Variants in HS6ST2 observed in about 807,000 individuals in gnomAD.
The protein encoded by HS6ST2 is heparan-sulfate 6-O-sulfotransferase 2.
Under a neutral mutation model 33.0 loss-of-function variants are expected in HS6ST2, and 17 were observed. The observed-to-expected ratio is 0.52, with a 90% CI of 0.35 to 0.77. The LOEUF (loss-of-function observed/expected upper bound fraction) is 0.77. Among genes scored for constraint, HS6ST2 ranks in the 30% least tolerant of loss-of-function variants. The pLI is 0.01. For synonymous variants in HS6ST2, 248 were observed against 237.1 expected (o/e 1.05, Z -0.42); for missense variants, 519 against 551.7 (o/e 0.94, Z 0.59).
At chrX:132,654,670 G>C (rs181162937) in intron 4 of HS6ST2, among the ~76,000 whole-genome samples, 1 of 112,181 alleles carries the variant, frequency 8.9e-6, no homozygotes, top group Admixed American at 9.5e-5. Flanking sequence ...TGGAATAAGA[G>C]AATAGGTGGT....
intron 2 of HS6ST2, among the ~76,000 whole-genome samples, chrX:132,738,259 A>T: frequency 8.9e-6 from 1 of 112,596 alleles, no homozygotes; most frequent in Non-Finnish European, 1.9e-5. Context: ...AGGGATAACC[A>T]GTAATGGACT....
At chrX:132,895,468 CAT>C (rs1175439823) in intron 2 of HS6ST2, among the ~76,000 whole-genome samples, 1 of 111,246 alleles carries the variant, frequency 9.0e-6, no homozygotes, top group Non-Finnish European at 1.9e-5. Context: ...TACATATACA[CAT>C]ATATATGATA....
intron 2 of HS6ST2, among the ~76,000 whole-genome samples, chrX:132,947,617 T>C (rs2066971156): frequency 8.9e-6 from 1 of 112,090 alleles, no homozygotes; most frequent in African/African-American, 3.2e-5. Flanking sequence ...TTGCATAGTG[T>C]ACCTATTCCA....
intron 2 of HS6ST2, among the ~76,000 whole-genome samples, chrX:132,769,907 C>T (rs2064881212): frequency 8.9e-6 from 1 of 112,043 alleles, no homozygotes; most frequent in Admixed American, 9.4e-5. Context: ...GGGCAAGCTA[C>T]CCTTTTGTTA....
At chrX:132,887,024 A>ACTCAGG (rs1184359703) in intron 2 of HS6ST2, among the ~76,000 whole-genome samples, 1 of 110,596 alleles carries the variant, frequency 9.0e-6, no homozygotes, top group African/African-American at 3.3e-5. Context: ...AGTCCCAGCT[A>ACTCAGG]CTCAGGAGGC....
chrX:132,709,426 T>C (rs1219682816), intron 2 of HS6ST2, among the ~76,000 whole-genome samples: 1 of 111,861 alleles, frequency 8.9e-6, no homozygotes, highest in East Asian at 2.8e-4. Context: ...CCTTTTTTAA[T>C]AGCATGGCTA....
intron 2 of HS6ST2, among the ~76,000 whole-genome samples, chrX:132,881,445 A>G (rs1203762181): frequency 9.3e-6 from 1 of 107,515 alleles, no homozygotes; most frequent in African/African-American, 3.4e-5. Flanking sequence ...GTGTCTGTTC[A>G]TATACTTTGC....
chrX:132,652,978 T>A (rs2063705395), intron 4 of HS6ST2, among the ~76,000 whole-genome samples: 1 of 111,823 alleles, frequency 8.9e-6, no homozygotes, highest in Non-Finnish European at 1.9e-5. Context: ...AACGCCATCC[T>A]TTATTTTGAA....
chrX:132,740,294 A>G (rs2064558490), intron 2 of HS6ST2, among the ~76,000 whole-genome samples: 1 of 112,456 alleles, frequency 8.9e-6, no homozygotes, highest in African/African-American at 3.2e-5. Context: ...CTTGTACGTA[A>G]TCTGTTGTGA....
intron 2 of HS6ST2, among the ~76,000 whole-genome samples, chrX:132,930,964 A>G (rs2066762589): frequency 9.0e-6 from 1 of 111,559 alleles, no homozygotes; most frequent in African/African-American, 3.3e-5. Context: ...CCAATAAAAA[A>G]AAATCATCCA....
intron 2 of HS6ST2, among the ~76,000 whole-genome samples, chrX:132,897,366 T>G (rs953783022): frequency 9.0e-6 from 1 of 110,779 alleles, no homozygotes; most frequent in African/African-American, 3.3e-5. Context: ...GGTGGAGACA[T>G]GAAGGCAAAA....
intron 2 of HS6ST2, among the ~76,000 whole-genome samples, chrX:132,870,308 G>T (rs1486406129): frequency 8.9e-6 from 1 of 111,776 alleles, no homozygotes; most frequent in East Asian, 2.8e-4. Context: ...TTCATGGATA[G>T]GAAGAATGAA....
intron 2 of HS6ST2, among the ~76,000 whole-genome samples, chrX:132,812,405 A>AAATAATAATAATAAT (rs55880539): frequency 4.2e-4 from 36 of 84,922 alleles, no homozygotes; most frequent in South Asian, 3.9e-3. Context: ...ACTCTGTCTC[A>AAATAATAATAATAAT]AATAATAATA....
At chrX:132,760,010 C>G (rs2064790696) in intron 2 of HS6ST2, among the ~76,000 whole-genome samples, 1 of 111,777 alleles carries the variant, frequency 8.9e-6, no homozygotes, top group Admixed American at 9.5e-5. Flanking sequence ...ATGGCTCCAA[C>G]TCACTACTAT....
chrX:132,772,852 A>G (rs1169602906), intron 2 of HS6ST2, among the ~76,000 whole-genome samples: 1 of 85,594 alleles, frequency 1.2e-5, no homozygotes, highest in Non-Finnish European at 2.1e-5. Flanking sequence ...TATAACATAT[A>G]ATATAGTCTA....
At chrX:132,758,924 C>T (rs2064781591) in intron 2 of HS6ST2, among the ~76,000 whole-genome samples, 1 of 110,806 alleles carries the variant, frequency 9.0e-6, no homozygotes, top group Non-Finnish European at 1.9e-5. Flanking sequence ...TAAACCATCC[C>T]CGTGCAAAGA....
intron 3 of HS6ST2, among the ~76,000 whole-genome samples, chrX:132,684,278 CAT>C (rs1196691059): frequency 3.3e-4 from 33 of 99,067 alleles, no homozygotes; most frequent in Admixed American, 1.3e-3. Context: ...TATGTATATA[CAT>C]ATATATATAC....
chrX:132,940,555 A>G (rs1419236710), intron 2 of HS6ST2, among the ~76,000 whole-genome samples: 2 of 112,072 alleles, frequency 1.8e-5, no homozygotes, highest in Non-Finnish European at 3.8e-5. Flanking sequence ...AACCTAGAAT[A>G]TGTTTAAAAA....
intron 4 of HS6ST2, among the ~76,000 whole-genome samples, chrX:132,639,179 T>C (rs2063583143): frequency 8.9e-6 from 1 of 112,256 alleles, no homozygotes; most frequent in African/African-American, 3.2e-5. Flanking sequence ...TACTTCTTTT[T>C]AAAAGAAATC....
Sources: allele counts gnomAD v4.1 joint callset (sites outside exome capture counted in the v4.1 genomes callset), GRCh38; gene constraint gnomAD v4.1.1; transcripts MANE v1.5; gene names NCBI Gene and HGNC (gene_info 2026-07-23, HGNC 2026-07-21).